Variants in DLGAP2 observed in about 807,000 individuals in gnomAD.
DLGAP2 encodes DLG associated protein 2, also known as disks large-associated protein 2.
In DLGAP2, 26 loss-of-function variants were observed where a neutral mutation model predicts 100.3. The observed-to-expected ratio is 0.26, with a 90% CI of 0.19 to 0.36. The LOEUF is 0.36. Among genes scored for constraint, DLGAP2 ranks in the 10% least tolerant of loss-of-function variants. The pLI, the probability that DLGAP2 is intolerant of heterozygous loss-of-function variation, is 1.00. For synonymous variants in DLGAP2, 886 were observed against 630.1 expected (o/e 1.41, Z -6.08); for missense variants, 1,858 against 1,453.2 (o/e 1.28, Z -4.53).
At chr8:1,437,166 G>A (rs1379226246) in intron 3 of DLGAP2, among the ~76,000 whole-genome samples, 3 of 148,974 alleles carry the variant, frequency 2.0e-5, no homozygotes, top group Non-Finnish European at 3.0e-5. Context: ...GCGCAGGCGC[G>A]TAAGGGTGAC....
chr8:1,501,916 T>C (rs1316899973), intron 4 of DLGAP2, among the ~76,000 whole-genome samples: 1 of 152,216 alleles, frequency 6.6e-6, no homozygotes, highest in Non-Finnish European at 1.5e-5. Flanking sequence ...CTTTCCCCGA[T>C]GCTGGTTCAA....
intron 2 of DLGAP2, among the ~76,000 whole-genome samples, chr8:915,013 A>G (rs1427379694): frequency 6.6e-6 from 1 of 152,118 alleles, no homozygotes; most frequent in Non-Finnish European, 1.5e-5. Flanking sequence ...CCATCCTGTA[A>G]CTTTGTGTGT....
intron 6 of DLGAP2, among the ~76,000 whole-genome samples, chr8:1,576,755 G>C (rs542286084): frequency 6.6e-6 from 1 of 152,252 alleles, no homozygotes; most frequent in African/African-American, 2.4e-5. Context: ...TGTCAGGTTT[G>C]TCAAAGATAA....
At chr8:1,318,940 T>C (rs1436853757) in intron 3 of DLGAP2, among the ~76,000 whole-genome samples, 1 of 152,112 alleles carries the variant, frequency 6.6e-6, no homozygotes, top group African/African-American at 2.4e-5. Flanking sequence ...ACGCTCAGCA[T>C]GGTTTTTCCT....
At chr8:999,150 G>T (rs1034170149) in intron 2 of DLGAP2, among the ~76,000 whole-genome samples, 2 of 151,994 alleles carry the variant, frequency 1.3e-5, no homozygotes, top group Admixed American at 1.3e-4. Flanking sequence ...TCTGCACAAA[G>T]TTGAGAGTAC....
intron 2 of DLGAP2, among the ~76,000 whole-genome samples, chr8:1,184,733 G>T (rs780979536): frequency 6.6e-6 from 1 of 152,332 alleles, no homozygotes; most frequent in African/African-American, 2.4e-5. Context: ...AGCCTGGGAG[G>T]AGGGTGAGGC....
At chr8:773,078 G>A (rs1392016438) in intron 1 of DLGAP2, among the ~76,000 whole-genome samples, 3 of 152,186 alleles carry the variant, frequency 2.0e-5, no homozygotes, top group Admixed American at 2.0e-4. Flanking sequence ...GAGCTGCTTG[G>A]CTGCTGTAAC....
chr8:859,054 G>C (rs2174098), intron 1 of DLGAP2, among the ~76,000 whole-genome samples: 3 of 151,596 alleles, frequency 2.0e-5, no homozygotes, highest in Admixed American at 6.6e-5. Flanking sequence ...AAAATACATC[G>C]ACATTCTTAT....
intron 1 of DLGAP2, among the ~76,000 whole-genome samples, chr8:835,828 C>G (rs941776666): frequency 1.3e-5 from 2 of 152,304 alleles, no homozygotes; most frequent in South Asian, 4.1e-4. Context: ...ACCAGCCGGT[C>G]TGTGGCACGT....
At chr8:803,839 A>G (rs1438955399) in intron 1 of DLGAP2, among the ~76,000 whole-genome samples, 1 of 152,220 alleles carries the variant, frequency 6.6e-6, no homozygotes, top group Non-Finnish European at 1.5e-5. Context: ...GCACTGCACT[A>G]TTGATTAGAC....
intron 1 of DLGAP2, among the ~76,000 whole-genome samples, chr8:738,267 G>T (rs1325418872): frequency 6.6e-6 from 1 of 151,878 alleles, no homozygotes; most frequent in Non-Finnish European, 1.5e-5. Context: ...CTCCCCCCAA[G>T]CCCGGGTGGA....
At chr8:928,025 G>C (rs1331263605) in intron 2 of DLGAP2, among the ~76,000 whole-genome samples, 2 of 152,178 alleles carry the variant, frequency 1.3e-5, no homozygotes, top group Admixed American at 1.3e-4. Context: ...GGCCAGCCAT[G>C]GGGTCCCGGG....
At chr8:859,455 G>T (rs1341232256) in intron 1 of DLGAP2, among the ~76,000 whole-genome samples, 1 of 152,134 alleles carries the variant, frequency 6.6e-6, no homozygotes, top group Non-Finnish European at 1.5e-5. Flanking sequence ...TGGAGTTTAG[G>T]GAAGAGAGGG....
chr8:1,553,387 C>A (rs969710389), intron 5 of DLGAP2, among the ~76,000 whole-genome samples: 1 of 152,216 alleles, frequency 6.6e-6, no homozygotes. Context: ...TTTTATTCGG[C>A]ATGTTCACGG....
At chr8:1,224,636 A>C (rs1437412400) in intron 2 of DLGAP2, among the ~76,000 whole-genome samples, 1 of 152,226 alleles carries the variant, frequency 6.6e-6, no homozygotes, top group Non-Finnish European at 1.5e-5. Flanking sequence ...AAAAGAGATG[A>C]CTGAAATTAC....
intron 12 of DLGAP2, among the ~76,000 whole-genome samples, chr8:1,690,098 T>C (rs1799218729): frequency 6.6e-6 from 1 of 152,184 alleles, no homozygotes; most frequent in African/African-American, 2.4e-5. Context: ...GGCTCACGCC[T>C]GTAATCCTTG....
intron 2 of DLGAP2, among the ~76,000 whole-genome samples, chr8:937,275 T>C (rs1201060449): frequency 1.3e-5 from 2 of 152,206 alleles, no homozygotes; most frequent in Admixed American, 6.5e-5. Context: ...CTGTTTCTTA[T>C]GGATTCAAAA....
chr8:1,586,705 A>C (rs941886770), intron 6 of DLGAP2, among the ~76,000 whole-genome samples: 1 of 152,228 alleles, frequency 6.6e-6, no homozygotes, highest in Non-Finnish European at 1.5e-5. Context: ...CTAGGCCCAG[A>C]TGTCACTGGA....
chr8:1,605,555 A>G (rs138145471), intron 6 of DLGAP2, among the ~76,000 whole-genome samples: 1 of 152,202 alleles, frequency 6.6e-6, no homozygotes, highest in African/African-American at 2.4e-5. Context: ...TGTGGGCCTA[A>G]GTGCCTCTTT....
Sources: allele counts gnomAD v4.1 joint callset (sites outside exome capture counted in the v4.1 genomes callset), GRCh38; gene constraint gnomAD v4.1.1; transcripts MANE v1.5; gene names NCBI Gene and HGNC (gene_info 2026-07-23, HGNC 2026-07-21).